The following EIF2B3 variants were observed in gnomAD, a reference collection of about 807,000 sequenced individuals.
EIF2B3 encodes eukaryotic translation initiation factor 2B subunit gamma, also known as translation initiation factor eIF2B subunit gamma.
In EIF2B3, 20 loss-of-function variants were observed where a neutral mutation model predicts 54.1. That is an observed-to-expected ratio of 0.37 (90% CI 0.26 to 0.54). The LOEUF is 0.54. Among genes scored for constraint, EIF2B3 ranks in the 20% least tolerant of loss-of-function variants. EIF2B3 has a pLI of 0.86. For missense variants in EIF2B3, 448 were observed against 547.8 expected, an observed-to-expected ratio of 0.82 and a Z score of 1.82; for synonymous variants, 153 against 188.1, an observed-to-expected ratio of 0.81 and a Z score of 1.52.
chr1:44,878,917 C>T (rs1465460503), intron 8 of EIF2B3, among the ~76,000 whole-genome samples: 3 of 151,946 alleles, frequency 2.0e-5, no homozygotes, highest in Non-Finnish European at 2.9e-5. Context: ...TGCCACCATA[C>T]CTGGCTAATT....
chr1:44,852,671 C>T lies in EIF2B3; in HGVS notation c.1307-1668G>A, dbSNP rs56808652. Among the ~76,000 whole-genome samples, 497 of 150,890 alleles carry T rather than the reference C, an allele frequency of 3.3e-3. 2 individuals carry two copies. Among genetic ancestry groups the T allele is most frequent in the African/African-American group, 0.01 (423 of 41,062 alleles). On this transcript the variant is annotated intron_variant, in intron 11 of 11. Coordinates refer to ENST00000360403, the MANE Select transcript of EIF2B3 (RefSeq NM_020365.5). ...GCGCATGCCTGTAATCCCAGCTACT[C>T]GGGAGGCTGAGGCAGCAGAATTGCT...
intron 10 of EIF2B3, among the ~76,000 whole-genome samples, chr1:44,859,208 G>A (rs1346700689): frequency 6.6e-6 from 1 of 152,168 alleles, no homozygotes; most frequent in African/African-American, 2.4e-5. Context: ...GGCTGAGGTA[G>A]GAGGATCGCT....
intron 6 of EIF2B3, among the ~76,000 whole-genome samples, chr1:44,885,308 G>A (rs1162963482): frequency 1.3e-5 from 2 of 151,906 alleles, no homozygotes; most frequent in African/African-American, 4.9e-5. Flanking sequence ...AAACAGATAT[G>A]TGTTAAAAAA....
intron 9 of EIF2B3, among the ~76,000 whole-genome samples, chr1:44,875,302 A>T (rs1405982110): frequency 6.6e-6 from 1 of 152,214 alleles, no homozygotes; most frequent in Admixed American, 6.5e-5. Flanking sequence ...TGGATTGGTT[A>T]CAGATCCAAG....
Position 44,879,795 on chromosome 1 carries a change from G to A in EIF2B3, c.975+23C>T, listed in dbSNP as rs762687670. 11 of 1,612,282 alleles carry A rather than the reference G, an allele frequency of 6.8e-6. No individual in the cohort carries two copies. The African/African-American group carries it at 1.5e-4, about 22-fold the overall frequency. ...TCTGTTTCTAGGACAAGAGCCCCAT[G>A]ATTTTCTAACTCATGCTCTCACCTG... On this transcript the variant is annotated intron_variant, in intron 8 of 11. Transcript: ENST00000360403.
intron 3 of EIF2B3, among the ~76,000 whole-genome samples, chr1:44,949,120 T>C (rs1233833403): frequency 6.6e-6 from 1 of 152,172 alleles, no homozygotes; most frequent in Non-Finnish European, 1.5e-5. Context: ...TCCTCCTGCC[T>C]TGGCTTCCTC....
intron 9 of EIF2B3, 132 bp downstream of exon 9, chr1:44,875,486 C>T: frequency 1.2e-6 from 1 of 839,124 alleles, no homozygotes; most frequent in South Asian, 1.4e-5. Context: ...AGATTTTATT[C>T]TCAGAACCCA....
chr1:44,930,770 A>G lies in EIF2B3; in HGVS notation c.455-4031T>C, dbSNP rs187735444. 4.7e-3 allele frequency among the ~76,000 whole-genome samples: 711 copies of G among 152,310 alleles called. 6 individuals are homozygous for G. Among genetic ancestry groups the G allele is most frequent in the Non-Finnish European group, 8.1e-3 (549 of 68,022 alleles). ...ATTCTCCTGCCTCAACCTCCCAAGT[A>G]GCTGGGACCACAGGCATGTGCTACC... On this transcript the variant is annotated intron_variant, in intron 4 of 11. Transcript: ENST00000360403.
chr1:44,931,855 G>A lies in EIF2B3; in HGVS notation c.455-5116C>T, dbSNP rs187822359. Among the ~76,000 whole-genome samples the A allele has an allele frequency of 9.2e-5, 14 of 152,296 alleles. No individual in the cohort carries two copies. In the East Asian group the frequency reaches 2.5e-3, roughly 27 times the overall value. On this transcript the variant is annotated intron_variant, in intron 4 of 11. Transcript: ENST00000360403. ...TAGTACGCTGGGCATGGTGGCTCAC[G>A]CCTATAATCCCAGCACTTTGGGAGG... is the stretch of plus-strand genomic sequence containing the variant.
chr1:44,925,963 C>T (rs942673207), intron 5 of EIF2B3, among the ~76,000 whole-genome samples: 4 of 151,694 alleles, frequency 2.6e-5, no homozygotes, highest in Non-Finnish European at 4.4e-5. Context: ...CACGGTGGCT[C>T]ACGCCTGTAA....
chr1:44,963,509 A>G (rs1644306887), intron 3 of EIF2B3, among the ~76,000 whole-genome samples: 1 of 152,036 alleles, frequency 6.6e-6, no homozygotes, highest in Non-Finnish European at 1.5e-5. Context: ...GGCTCAAGCA[A>G]TTCACCCGCC....
At chr1:44,915,432 G>A (rs771621198) in intron 5 of EIF2B3, among the ~76,000 whole-genome samples, 1 of 152,038 alleles carries the variant, frequency 6.6e-6, no homozygotes, top group Non-Finnish European at 1.5e-5. Context: ...AATGATGAAA[G>A]TTCACTGCAG....
intron 4 of EIF2B3, among the ~76,000 whole-genome samples, chr1:44,928,202 T>G (rs947504203): frequency 6.6e-6 from 1 of 152,084 alleles, no homozygotes; most frequent in Non-Finnish European, 1.5e-5. Flanking sequence ...CCCAGCACTT[T>G]GGGAGGCCAA....
intron 3 of EIF2B3, among the ~76,000 whole-genome samples, chr1:44,951,411 T>G (rs1373970069): frequency 1.3e-5 from 2 of 152,170 alleles, no homozygotes; most frequent in Non-Finnish European, 2.9e-5. Context: ...GGATCCTCAA[T>G]CCATTTGTTA....
intron 5 of EIF2B3, among the ~76,000 whole-genome samples, chr1:44,901,685 G>C (rs922021884): frequency 6.6e-5 from 10 of 150,850 alleles, no homozygotes; most frequent in Admixed American, 4.7e-4. Context: ...TCAGCCTCCT[G>C]AGTAGCTGGG....
chr1:44,850,957 C>T lies in EIF2B3; in HGVS notation c.1353G>A (p.Glu451=), dbSNP rs902335173. Residue 451 remains glutamate, a synonymous_variant, in exon 12 of 12, where the codon GAG becomes GAA. Coordinates refer to ENST00000360403, the MANE Select transcript of EIF2B3 (RefSeq NM_020365.5). ...AGTCTGACTTGCTCAGAACTCAGAT[C>T]TCCATGAGCTGGTCATTCCCCACGA... ...EVIVGNDQLM[E]I The T allele has an allele frequency of 8.7e-6, 14 of 1,614,166 alleles. No homozygotes were observed. The highest frequency in any genetic ancestry group is 2.2e-5 in the South Asian group (2 of 91,084).
intron 3 of EIF2B3, among the ~76,000 whole-genome samples, chr1:44,975,738 A>G (rs1348933676): frequency 6.6e-6 from 1 of 152,206 alleles, no homozygotes; most frequent in Admixed American, 6.6e-5. Flanking sequence ...TGGGAGGCCA[A>G]GGTGGGTAGG....
At chr1:44,973,485 G>T (rs1644422725) in intron 3 of EIF2B3, among the ~76,000 whole-genome samples, 1 of 151,940 alleles carries the variant, frequency 6.6e-6, no homozygotes, top group South Asian at 2.1e-4. Flanking sequence ...ATCACTTGAG[G>T]CCAGACGTTC....
intron 10 of EIF2B3, among the ~76,000 whole-genome samples, chr1:44,870,883 G>A (rs1269597136): frequency 6.6e-6 from 1 of 151,918 alleles, no homozygotes; most frequent in Non-Finnish European, 1.5e-5. Flanking sequence ...GAACTCCTGG[G>A]CTCATCTGCC....
Sources: gnomAD v4.1 joint callset for allele counts (sites outside exome capture counted in the v4.1 genomes callset) on GRCh38, gnomAD v4.1.1 for gene constraint, MANE v1.5 for transcripts, NCBI Gene and HGNC (gene_info 2026-07-23, HGNC 2026-07-21) for gene names.